LCLAT1: variants seen among roughly 807,000 people sequenced by gnomAD.
The protein encoded by LCLAT1 is lysocardiolipin acyltransferase 1, also known as 1-AGP acyltransferase 8.
LCLAT1 carries 11 observed loss-of-function variants against 30.7 expected under a neutral mutation model. The ratio of observed to expected loss-of-function variants is 0.36; its 90% CI spans 0.23 to 0.59. LCLAT1 has a LOEUF of 0.59. LCLAT1 is among the 20% of genes least tolerant of loss of function. LCLAT1 has a pLI of 0.77. For missense variants in LCLAT1, 402 were observed against 458.6 expected (o/e 0.88, Z 1.13); for synonymous variants, 155 against 151.3 (o/e 1.02, Z -0.18).
chr2:30,626,486 T>G (rs762487853), intron 5 of LCLAT1, among the ~76,000 whole-genome samples: 23 of 151,884 alleles, frequency 1.5e-4, no homozygotes, highest in Non-Finnish European at 3.2e-4. Flanking sequence ...TCGTAATCCT[T>G]TAAGCTCTTC....
intron 5 of LCLAT1, among the ~76,000 whole-genome samples, chr2:30,568,505 C>CTTT (rs35285466): frequency 1.0e-3 from 89 of 84,998 alleles, no homozygotes; most frequent in Admixed American, 1.2e-3. Flanking sequence ...GTCTTTCTTT[C>CTTT]TTTTTTTTTT....
intron 3 of LCLAT1, among the ~76,000 whole-genome samples, chr2:30,557,283 CGTGTGTGT>C (rs373793652): frequency 0.11 from 14,867 of 138,566 alleles, 875 homozygotes; most frequent in South Asian, 0.21. Context: ...AAGGTATGAT[CGTGTGTGT>C]GTGTGTGTGT....
intron 3 of LCLAT1, among the ~76,000 whole-genome samples, chr2:30,539,597 A>G (rs1225928142): frequency 2.0e-5 from 3 of 152,204 alleles, no homozygotes; most frequent in Non-Finnish European, 2.9e-5. Context: ...TTAGATTACC[A>G]TGTATGGATC....
intron 3 of LCLAT1, among the ~76,000 whole-genome samples, chr2:30,537,242 G>A (rs954469686): frequency 1.3e-5 from 2 of 152,058 alleles, no homozygotes; most frequent in Admixed American, 1.3e-4. Flanking sequence ...TTAGCCGGGC[G>A]CGGTGGCGGG....
At chr2:30,521,939 G>C (rs1203784944) in intron 1 of LCLAT1, among the ~76,000 whole-genome samples, 2 of 152,154 alleles carry the variant, frequency 1.3e-5, no homozygotes, top group Non-Finnish European at 2.9e-5. Context: ...AAATAATCCA[G>C]TAAAAGATTT....
At chr2:30,480,266 C>T (rs1437601970) in intron 1 of LCLAT1, among the ~76,000 whole-genome samples, 9 of 152,128 alleles carry the variant, frequency 5.9e-5, no homozygotes. Flanking sequence ...GGGTGGAGTG[C>T]AGTGGCTCGA....
intron 2 of LCLAT1, among the ~76,000 whole-genome samples, chr2:30,526,856 C>G (rs1982286): frequency 0.13 from 19,260 of 152,078 alleles, 1,355 homozygotes; most frequent in South Asian, 0.23. Flanking sequence ...GACTAAAAGT[C>G]TTTTTCTTTT....
chr2:30,600,920 TAGTC>T (rs958846795), intron 5 of LCLAT1, among the ~76,000 whole-genome samples: 2 of 152,184 alleles, frequency 1.3e-5, no homozygotes, highest in Non-Finnish European at 2.9e-5. Context: ...TCAGGTGTCT[TAGTC>T]AGTCATAGGG....
At chr2:30,630,229 G>A (rs1668706626) in intron 5 of LCLAT1, among the ~76,000 whole-genome samples, 1 of 151,984 alleles carries the variant, frequency 6.6e-6, no homozygotes, top group Admixed American at 6.6e-5. Flanking sequence ...ACTGGATCAG[G>A]GCCTCACCTT....
rs142452174 is a variant in LCLAT1 at position 30,528,400 on chromosome 2, A to G, written c.165+2645A>G. Among the ~76,000 whole-genome samples, 467 of 152,344 alleles carry G rather than the reference A, an allele frequency of 3.1e-3. 2 individuals carry two copies. Among genetic ancestry groups the G allele is most frequent in the African/African-American group, 0.011 (445 of 41,578 alleles). ...CACCTACAGTATTTGTACAGTTTCA[A>G]TTACATGCACTAAGGTAAGGGAAGA... On this transcript the variant is annotated intron_variant, in intron 2 of 5. Transcript: ENST00000379509.
rs149647742 is a variant in LCLAT1 at position 30,630,728 on chromosome 2, T to A, written c.629-9389T>A. 1.8e-3 allele frequency among the ~76,000 whole-genome samples: 280 copies of A among 152,306 alleles called. 3 individuals are homozygous for A. The East Asian group carries it at 0.03, about 16-fold the overall frequency. ...GACTCTTCACCTGAGAGAAGTCCAT[T>A]TCTCAGCATTGGCTTTTTAGGATGA... is the stretch of plus-strand genomic sequence containing the variant. On this transcript the variant is annotated intron_variant, in intron 5 of 5. Coordinates refer to ENST00000379509, the MANE Select transcript of LCLAT1 (RefSeq NM_001002257.3).
At chr2:30,623,046 A>ATTTTT (rs34283582) in intron 5 of LCLAT1, among the ~76,000 whole-genome samples, 2 of 83,236 alleles carry the variant, frequency 2.4e-5, no homozygotes, top group African/African-American at 5.4e-5. Flanking sequence ...AATTCAAAGA[A>ATTTTT]TTTTTTTTTT....
At chr2:30,470,685 G>A (rs1682735811) in intron 1 of LCLAT1, among the ~76,000 whole-genome samples, 1 of 152,138 alleles carries the variant, frequency 6.6e-6, no homozygotes, top group South Asian at 2.1e-4. Flanking sequence ...AGTAAGTTTT[G>A]AAATTAGGAA....
chr2:30,498,209 G>A (rs1000964195), intron 1 of LCLAT1, among the ~76,000 whole-genome samples: 7 of 152,176 alleles, frequency 4.6e-5, no homozygotes, highest in African/African-American at 1.7e-4. Context: ...GGATTTTATG[G>A]ACTGGAAAGA....
intron 3 of LCLAT1, among the ~76,000 whole-genome samples, chr2:30,553,948 T>C (rs1203878503): frequency 6.6e-6 from 1 of 152,006 alleles, no homozygotes; most frequent in Non-Finnish European, 1.5e-5. Flanking sequence ...TTAAGAAAAA[T>C]CTGAGTAACA....
intron 1 of LCLAT1, among the ~76,000 whole-genome samples, chr2:30,478,057 G>A (rs963936026): frequency 1.4e-5 from 2 of 140,336 alleles, no homozygotes; most frequent in Non-Finnish European, 3.1e-5. Context: ...AGTCAAAAGT[G>A]TTAGTGAGGG....
In LCLAT1 at chr2:30,589,806, A is replaced by G. The variant is rs567943648; in HGVS notation, c.628+21630A>G. 6.0e-4 allele frequency among the ~76,000 whole-genome samples: 92 copies of G among 152,234 alleles called. No individual in the cohort carries two copies. In the Middle Eastern group the frequency reaches 0.017, roughly 28 times the overall value. The stretch of plus-strand genomic sequence containing the variant: ...ATGAGTGGTGAACTTTTACCTACTA[A>G]TCTTTTAGTTCGTTTTCTTTGGGTC... On this transcript the variant is annotated intron_variant, in intron 5 of 5. Transcript: ENST00000379509.
At chr2:30,450,267 T>G (rs985470533) in intron 1 of LCLAT1, among the ~76,000 whole-genome samples, 2 of 152,216 alleles carry the variant, frequency 1.3e-5, no homozygotes, top group East Asian at 3.8e-4. Context: ...GGGAGCTAAC[T>G]GGAGGATAAA....
chr2:30,598,765 T>C (rs376052523), intron 5 of LCLAT1, among the ~76,000 whole-genome samples: 2 of 152,252 alleles, frequency 1.3e-5, no homozygotes, highest in African/African-American at 2.4e-5. Flanking sequence ...TTTGAGATCT[T>C]TCTAGCTTAG....
Sources: gnomAD v4.1 joint callset for allele counts (sites outside exome capture counted in the v4.1 genomes callset) on GRCh38, gnomAD v4.1.1 for gene constraint, MANE v1.5 for transcripts, NCBI Gene and HGNC (gene_info 2026-07-23, HGNC 2026-07-21) for gene names.